MFHAS1: variants seen among roughly 807,000 people sequenced by gnomAD.
MFHAS1 encodes multifunctional ROCO family signaling regulator 1.
In MFHAS1, 50 loss-of-function variants were observed where a neutral mutation model predicts 70.4. The ratio of observed to expected loss-of-function variants is 0.71; its 90% CI spans 0.57 to 0.90. The LOEUF (loss-of-function observed/expected upper bound fraction) is 0.90, where lower values mean the gene tolerates loss of function less well. Ranked by LOEUF, MFHAS1 falls within the 40% of genes least tolerant of loss-of-function variation. The probability of loss-of-function intolerance (pLI) is 0.00; values close to 1 mark genes in which losing one functional copy is unlikely to be tolerated. For missense variants in MFHAS1, 1,795 were observed against 1,347.6 expected, an observed-to-expected ratio of 1.33 and a Z score of -5.20; for synonymous variants, 952 against 620.0, an observed-to-expected ratio of 1.54 and a Z score of -7.96.
chr8:8,797,441 G>A lies in MFHAS1; in HGVS notation c.3049C>T (p.Pro1017Ser). 2 of 1,614,108 alleles carry A rather than the reference G, an allele frequency of 1.2e-6. No homozygotes were observed. Among genetic ancestry groups the A allele is most frequent in the Non-Finnish European group, 1.7e-6 (2 of 1,180,004 alleles). The change falls in exon 2 of 3, where the codon CCC becomes TCC. Residue 1017 changes from proline to serine, a missense_variant. By Grantham distance (74) the Pro-to-Ser change is moderately conservative (BLOSUM62 -1). Coordinates refer to ENST00000276282, the MANE Select transcript of MFHAS1 (RefSeq NM_004225.3). ...RPEGVAEIICPKNGSERVNVA... is the reference protein window; with the variant it reads ...RPEGVAEIICSKNGSERVNVA... ...TTTACTCGCTCGCTGCCGTTCTTGG[G>A]GCAAATGATCTCTGCCACTCCTTCC...
intron 1 of MFHAS1, among the ~76,000 whole-genome samples, chr8:8,815,006 G>A (rs1263432979): frequency 6.6e-6 from 1 of 152,014 alleles, no homozygotes; most frequent in Admixed American, 6.6e-5. Flanking sequence ...TCTTCTCAAT[G>A]CCCTCCCTTT....
chr8:8,794,729 A>G (rs1805834156), intron 2 of MFHAS1, among the ~76,000 whole-genome samples: 1 of 151,458 alleles, frequency 6.6e-6, no homozygotes, highest in Non-Finnish European at 1.5e-5. Flanking sequence ...ATTTCATGAG[A>G]CTTTTTTTTT....
chr8:8,819,608 C>CAAAAAAAAAA (rs201326485), intron 1 of MFHAS1, among the ~76,000 whole-genome samples: 45 of 90,916 alleles, frequency 4.9e-4, no homozygotes, highest in Non-Finnish European at 7.4e-4. Flanking sequence ...CAACTCAAAA[C>CAAAAAAAAAA]AAAAAAAAAA....
intron 1 of MFHAS1, among the ~76,000 whole-genome samples, chr8:8,804,259 A>G (rs1041085119): frequency 3.3e-5 from 5 of 152,276 alleles, no homozygotes; most frequent in Admixed American, 6.5e-5. Context: ...TTCAGCACAC[A>G]TCTCTGCAAC....
chr8:8,875,568 A>G (rs574513362), intron 1 of MFHAS1, among the ~76,000 whole-genome samples: 13 of 152,272 alleles, frequency 8.5e-5, no homozygotes, highest in African/African-American at 2.6e-4. Context: ...CCACCATGAG[A>G]AACTTTTTTT....
At chr8:8,801,596 A>T (rs942310967) in intron 1 of MFHAS1, among the ~76,000 whole-genome samples, 4 of 152,258 alleles carry the variant, frequency 2.6e-5, no homozygotes, top group African/African-American at 4.8e-5. Context: ...CTTAACTCAC[A>T]TATGAAGAAT....
chr8:8,817,590 G>T (rs1806794370), intron 1 of MFHAS1, among the ~76,000 whole-genome samples: 1 of 152,252 alleles, frequency 6.6e-6, no homozygotes, highest in Non-Finnish European at 1.5e-5. Context: ...CCAGCCCGCA[G>T]ATGGGGGGGC....
intron 1 of MFHAS1, among the ~76,000 whole-genome samples, chr8:8,847,928 G>C (rs963326650): frequency 7.2e-5 from 11 of 152,164 alleles, no homozygotes; most frequent in African/African-American, 2.7e-4. Context: ...TGTAAATATT[G>C]AAAGAGGCAG....
chr8:8,819,543 G>C (rs995328551), intron 1 of MFHAS1, among the ~76,000 whole-genome samples: 6 of 148,956 alleles, frequency 4.0e-5, no homozygotes, highest in African/African-American at 1.5e-4. Context: ...GGCGGAGCTT[G>C]CAGTGAGCCA....
intron 1 of MFHAS1, among the ~76,000 whole-genome samples, chr8:8,843,053 C>T (rs535796671): frequency 8.2e-4 from 124 of 151,484 alleles, no homozygotes; most frequent in African/African-American, 2.9e-3. Context: ...ATCATGAGGT[C>T]AGGAGATCGA....
intron 1 of MFHAS1, among the ~76,000 whole-genome samples, chr8:8,854,809 T>C (rs947208517): frequency 1.3e-5 from 2 of 152,222 alleles, no homozygotes; most frequent in African/African-American, 2.4e-5. Context: ...AATAGATGTA[T>C]ACATGAGACC....
In MFHAS1 at chr8:8,883,706, T is replaced by TAAAA. The variant is rs1563219802; in HGVS notation, c.2998+6354_2998+6355insTTTT. Among the ~76,000 whole-genome samples, 137 of 35,676 alleles carry TAAAA rather than the reference T, an allele frequency of 3.8e-3. 2 individuals are homozygous for TAAAA. Among genetic ancestry groups the TAAAA allele is most frequent in the African/African-American group, 0.023 (125 of 5,356 alleles). 23.4% of individuals were successfully genotyped at this position (35,676 alleles called of 152,430 possible). ...CTGGGCAACAGAGCGAGACTCAGTC[T>TAAAA]CAAAAAAAAAAAAAAAAAAAAAAAA... On this transcript the variant is annotated intron_variant, in intron 1 of 2. Coordinates refer to ENST00000276282, the MANE Select transcript of MFHAS1 (RefSeq NM_004225.3).
chr8:8,848,765 G>A (rs1808127011), intron 1 of MFHAS1, among the ~76,000 whole-genome samples: 1 of 152,160 alleles, frequency 6.6e-6, no homozygotes, highest in Admixed American at 6.5e-5. Flanking sequence ...GACTGCTATG[G>A]CAAGCAGTCG....
chr8:8,822,723 A>G (rs1157276299), intron 1 of MFHAS1, among the ~76,000 whole-genome samples: 1 of 148,780 alleles, frequency 6.7e-6, no homozygotes, highest in East Asian at 2.0e-4. Context: ...GGACCAAGTC[A>G]GGGAGACTGA....
At chr8:8,845,269 T>C (rs1233221723) in intron 1 of MFHAS1, among the ~76,000 whole-genome samples, 3 of 152,254 alleles carry the variant, frequency 2.0e-5, no homozygotes, top group African/African-American at 7.2e-5. Context: ...AACAGTCCTA[T>C]AGACACTTAA....
At chr8:8,838,169 C>T (rs1373182637) in intron 1 of MFHAS1, among the ~76,000 whole-genome samples, 2 of 152,116 alleles carry the variant, frequency 1.3e-5, no homozygotes, top group African/African-American at 2.4e-5. Flanking sequence ...AAAGACTATC[C>T]GTTAGGATTT....
At chr8:8,889,019 A>G (rs577766802) in intron 1 of MFHAS1, among the ~76,000 whole-genome samples, 1 of 148,360 alleles carries the variant, frequency 6.7e-6, no homozygotes, top group East Asian at 2.0e-4. Flanking sequence ...TAAGAAAAAA[A>G]AAAAAGTCTT....
At position 8,891,904 on chromosome 8, in the gene MFHAS1, G is replaced by A; in HGVS notation, c.1155C>T (p.Cys385=). 6.2e-7 allele frequency: 1 copy of A among 1,610,846 alleles called. No individual in the cohort carries two copies. The highest frequency in any genetic ancestry group is 1.1e-5 in the South Asian group (1 of 90,690). Residue 385 remains cysteine, a synonymous_variant, in exon 1 of 3, where the codon TGC becomes TGT. Transcript: ENST00000276282. The surrounding 1 kb of genome is among the most constrained non-coding windows in gnomAD (Gnocchi z 5.4). ...NPLIQPPYEV[C]MKGIPYIAAY... ...CTGCGATGTAGGGGATCCCCTTCAT[G>A]CAGACCTCGTAGGGGGGCTGGATCA...
chr8:8,822,630 G>T (rs550981790), intron 1 of MFHAS1, among the ~76,000 whole-genome samples: 2 of 150,286 alleles, frequency 1.3e-5, no homozygotes, highest in African/African-American at 2.5e-5. Context: ...CAAGTCAGGG[G>T]GACTGAGATG....
Sources: allele counts gnomAD v4.1 joint callset (sites outside exome capture counted in the v4.1 genomes callset), GRCh38; gene constraint gnomAD v4.1.1; non-coding constraint Gnocchi (gnomAD v3.1); transcripts MANE v1.5; gene names NCBI Gene and HGNC (gene_info 2026-07-23, HGNC 2026-07-21).